NAV2: variants seen among roughly 807,000 people sequenced by gnomAD.
The protein encoded by NAV2 is helicase, APC down-regulated 1.
NAV2 carries 54 observed loss-of-function variants against 223.2 expected under a neutral mutation model. The observed-to-expected ratio is 0.24, with a 90% CI of 0.19 to 0.30. NAV2 has a LOEUF of 0.30. NAV2 is among the 10% of genes least tolerant of loss of function. The probability of loss-of-function intolerance (pLI) is 1.00; values close to 1 mark genes in which losing one functional copy is unlikely to be tolerated. For synonymous variants in NAV2, 1,279 were observed against 1,239.3 expected (o/e 1.03, Z -0.67); for missense variants, 2,806 against 3,147.5 (o/e 0.89, Z 2.60).
intron 3 of NAV2, among the ~76,000 whole-genome samples, chr11:19,849,236 A>C (rs1318894892): frequency 6.6e-6 from 1 of 152,128 alleles, no homozygotes; most frequent in Non-Finnish European, 1.5e-5. Context: ...CTATTTTCAG[A>C]GATATGGTGT....
chr11:19,631,090 CT>C (rs528043926), intron 1 of NAV2, among the ~76,000 whole-genome samples: 2,534 of 141,628 alleles, frequency 0.018, 23 homozygotes, highest in African/African-American at 0.026. Flanking sequence ...ATGGCCCTTT[CT>C]TTTTTTTTTT....
chr11:20,077,990 T>C lies in NAV2; in HGVS notation c.5068-3T>C. 6.2e-7 allele frequency: 1 copy of C among 1,608,944 alleles called. No individual in the cohort carries two copies. The highest frequency in any genetic ancestry group is 8.5e-7 in the Non-Finnish European group (1 of 1,175,554). On this transcript the variant is annotated splice_region_variant and splice_polypyrimidine_tract_variant and intron_variant, in intron 23 of 37. Transcript: ENST00000349880. ...CTGACCAATAATTTTTTCTGTTCCC[T>C]AGGACTCAGAACTGAATGAGTTAAG...
intron 14 of NAV2, among the ~76,000 whole-genome samples, chr11:20,047,785 C>G (rs1215646133): frequency 6.6e-6 from 1 of 152,206 alleles, no homozygotes; most frequent in East Asian, 1.9e-4. Context: ...ACTGTCACGA[C>G]TTTGAGCACC....
intron 27 of NAV2, among the ~76,000 whole-genome samples, chr11:20,091,303 G>T (rs888149169): frequency 3.3e-5 from 5 of 152,144 alleles, no homozygotes; most frequent in Non-Finnish European, 7.3e-5. Context: ...CTTCTGCAGG[G>T]TCGTTTCCAC....
chr11:19,781,253 G>A (rs1041269892), intron 1 of NAV2, among the ~76,000 whole-genome samples: 5 of 152,194 alleles, frequency 3.3e-5, no homozygotes, highest in African/African-American at 1.2e-4. Context: ...CTCCTAGAGC[G>A]CTGCAGGGCC....
At chr11:19,587,303 A>G (rs940768933) in intron 1 of NAV2, among the ~76,000 whole-genome samples, 9 of 152,094 alleles carry the variant, frequency 5.9e-5, no homozygotes, top group Non-Finnish European at 1.5e-5. Context: ...AGGAAAGGGA[A>G]TTCCCTGACC....
chr11:19,651,058 T>C (rs903919975), intron 1 of NAV2, among the ~76,000 whole-genome samples: 2 of 152,172 alleles, frequency 1.3e-5, no homozygotes, highest in African/African-American at 4.8e-5. Flanking sequence ...TGGAGAGCTA[T>C]TTGCCTGCCC....
chr11:19,420,272 T>TA (rs939805964), intron 1 of NAV2, among the ~76,000 whole-genome samples: 6 of 152,078 alleles, frequency 3.9e-5, no homozygotes, highest in East Asian at 1.9e-4. Context: ...ATTAAAAAGA[T>TA]AAAAAAATGC....
chr11:19,617,890 G>GGATGCACTT (rs1238611710), intron 1 of NAV2, among the ~76,000 whole-genome samples: 4 of 151,924 alleles, frequency 2.6e-5, no homozygotes, highest in Non-Finnish European at 5.9e-5. Context: ...CCCACTTCAG[G>GGATGCACTT]GCCTTTGCAC....
At chr11:19,549,699 T>TGCAGG (rs752550824) in intron 1 of NAV2, among the ~76,000 whole-genome samples, 25 of 152,242 alleles carry the variant, frequency 1.6e-4, no homozygotes, top group Non-Finnish European at 3.4e-4. Context: ...AGTGGTGTGC[T>TGCAGG]GCAGGGCAGC....
At chr11:19,564,075 A>G (rs982116774) in intron 1 of NAV2, among the ~76,000 whole-genome samples, 2 of 152,142 alleles carry the variant, frequency 1.3e-5, no homozygotes, top group African/African-American at 4.8e-5. Flanking sequence ...TGCAATCAGG[A>G]GCCCGTCCCC....
chr11:20,091,062 A>G (rs1163559671), intron 27 of NAV2, 44 bp downstream of exon 27: 1 of 1,597,702 alleles, frequency 6.3e-7, no homozygotes, highest in Admixed American at 1.7e-5. Flanking sequence ...CTGTCTATGA[A>G]GGAGCTCCCA....
upstream of NAV2, among the ~76,000 whole-genome samples, chr11:19,346,583 C>G (rs1853024572): frequency 2.0e-5 from 3 of 152,212 alleles, no homozygotes; most frequent in Admixed American, 2.0e-4. Context: ...CCAGCTGGGG[C>G]CCTAGTGACT....
chr11:20,011,310 TAAGC>T (rs997311693), intron 11 of NAV2, among the ~76,000 whole-genome samples: 1 of 152,222 alleles, frequency 6.6e-6, no homozygotes, highest in African/African-American at 2.4e-5. Flanking sequence ...AAAATGCAGA[TAAGC>T]AAACAATAGG....
intron 4 of NAV2, among the ~76,000 whole-genome samples, 195 bp downstream of exon 4, chr11:19,869,192 T>C (rs1167176127): frequency 6.6e-6 from 1 of 152,198 alleles, no homozygotes; most frequent in African/African-American, 2.4e-5. Context: ...GATTCAACCA[T>C]ACCAGCCACC....
At chr11:19,730,624 G>A (rs906031942) in intron 1 of NAV2, among the ~76,000 whole-genome samples, 5 of 152,174 alleles carry the variant, frequency 3.3e-5, no homozygotes, top group Admixed American at 2.0e-4. Flanking sequence ...CAGCTGGGGT[G>A]GGCTCCGCAT....
At chr11:19,406,373 G>A (rs1223280845) in intron 1 of NAV2, among the ~76,000 whole-genome samples, 3 of 152,128 alleles carry the variant, frequency 2.0e-5, no homozygotes, top group African/African-American at 7.2e-5. Flanking sequence ...ATACGAATGG[G>A]GAAGCACCGC....
chr11:19,428,835 T>A (rs1414414780), intron 1 of NAV2, among the ~76,000 whole-genome samples: 1 of 152,206 alleles, frequency 6.6e-6, no homozygotes, highest in African/African-American at 2.4e-5. Context: ...TGTGGGAAAC[T>A]TCTTTCCCAT....
intron 1 of NAV2, among the ~76,000 whole-genome samples, chr11:19,686,443 T>C (rs567061497): frequency 6.6e-6 from 1 of 152,262 alleles, no homozygotes; most frequent in African/African-American, 2.4e-5. Context: ...AATCCGCCCA[T>C]TGTGTGGTCT....
Sources: allele counts gnomAD v4.1 joint callset (sites outside exome capture counted in the v4.1 genomes callset), GRCh38; gene constraint gnomAD v4.1.1; transcripts MANE v1.5; gene names NCBI Gene and HGNC (gene_info 2026-07-23, HGNC 2026-07-21).